Variants in PPM1D observed in about 807,000 individuals in gnomAD.
PPM1D encodes the protein protein phosphatase, Mg2+/Mn2+ dependent 1D, also known as protein phosphatase 1D.
A neutral mutation model predicts 58.3 loss-of-function variants in PPM1D; 52 were observed. That is an observed-to-expected ratio of 0.89 (90% CI 0.71 to 1.12). The LOEUF is 1.12. Among genes scored for constraint, PPM1D ranks in the 50% most tolerant of loss-of-function variants. PPM1D has a pLI of 0.00. For synonymous variants in PPM1D, 278 were observed against 285.1 expected, an observed-to-expected ratio of 0.98 and a Z score of 0.25; for missense variants, 564 against 777.2, an observed-to-expected ratio of 0.73 and a Z score of 3.26.
At chr17:60,607,011 T>TA (rs2030344039) in intron 1 of PPM1D, among the ~76,000 whole-genome samples, 1 of 151,288 alleles carries the variant, frequency 6.6e-6, no homozygotes, top group African/African-American at 2.4e-5. Context: ...TTTTTTTTTT[T>TA]ATAGAGACAG....
Position 60,654,219 on chromosome 17 carries a change from A to G in PPM1D, c.1018-2380A>G, listed in dbSNP as rs1007017764. ...TACTTATTTTTGTTGGGTTTTTATC[A>G]TAAAGTGATGTTCAATTTTACGAAA... On this transcript the variant is annotated intron_variant, in intron 4 of 5. Coordinates refer to ENST00000305921, the MANE Select transcript of PPM1D (RefSeq NM_003620.4). 4.0e-5 allele frequency among the ~76,000 whole-genome samples: 6 copies of G among 150,702 alleles called. 1 individual carries two copies. The East Asian group carries it at 1.2e-3, about 30-fold the overall frequency.
At chr17:60,624,969 A>G (rs2030777235) in intron 2 of PPM1D, among the ~76,000 whole-genome samples, 1 of 151,888 alleles carries the variant, frequency 6.6e-6, no homozygotes, top group East Asian at 1.9e-4. Context: ...GTGAAACCCC[A>G]TCTCTGCTAA....
At chr17:60,607,696 T>C (rs552706519) in intron 1 of PPM1D, among the ~76,000 whole-genome samples, 11 of 152,348 alleles carry the variant, frequency 7.2e-5, no homozygotes, top group South Asian at 6.2e-4. Flanking sequence ...AAGAAGATGG[T>C]GAATGAAGTG....
In PPM1D at chr17:60,600,274, C is replaced by G; in HGVS notation, c.-141C>G. ...GCGGACAAGTCCAGACATCGCGCGCCCCCCCTTCTCCGGGTCCGCCCCCTC... is the reference window on the plus strand; with the variant it reads ...GCGGACAAGTCCAGACATCGCGCGCGCCCCCTTCTCCGGGTCCGCCCCCTC... On this transcript the variant is annotated 5_prime_UTR_variant, in exon 1 of 6. Coordinates refer to ENST00000305921, the MANE Select transcript of PPM1D (RefSeq NM_003620.4). The G allele has an allele frequency of 2.1e-6, 3 of 1,416,104 alleles. No homozygotes were observed. The South Asian group carries it at 4.3e-5, about 20-fold the overall frequency. The allele number at this position is 1,416,104 out of a possible 1,614,324, so 87.7% of individuals were successfully genotyped here. A position where few individuals can be genotyped will look rare whatever the true frequency, so the allele number is the denominator to read the frequency against.
chr17:60,641,146 G>GTTC (rs2031126571), intron 3 of PPM1D, among the ~76,000 whole-genome samples: 1 of 152,176 alleles, frequency 6.6e-6, no homozygotes, highest in Non-Finnish European at 1.5e-5. Flanking sequence ...TCGAATGGTA[G>GTTC]TTCTAAGTTC....
chr17:60,639,635 A>G (rs908263295), intron 3 of PPM1D, among the ~76,000 whole-genome samples: 1 of 151,900 alleles, frequency 6.6e-6, no homozygotes, highest in African/African-American at 2.4e-5. Context: ...ACGGGGTTTC[A>G]CCATGTTGGC....
At chr17:60,632,317 T>C (rs1380661044) in intron 2 of PPM1D, among the ~76,000 whole-genome samples, 2 of 152,242 alleles carry the variant, frequency 1.3e-5, no homozygotes, top group African/African-American at 2.4e-5. Context: ...ACAGCTGATC[T>C]ATTTCACAAA....
intron 1 of PPM1D, among the ~76,000 whole-genome samples, chr17:60,607,384 G>A (rs780369658): frequency 3.3e-5 from 5 of 152,182 alleles, no homozygotes; most frequent in Non-Finnish European, 5.9e-5. Flanking sequence ...CCGGGTTCAA[G>A]CGATTCTCCT....
At chr17:60,632,916 G>A (rs993911009) in intron 2 of PPM1D, among the ~76,000 whole-genome samples, 2 of 151,200 alleles carry the variant, frequency 1.3e-5, no homozygotes, top group African/African-American at 2.4e-5. Context: ...GCAGTGAGTC[G>A]AGATGGTGCC....
At chr17:60,654,326 C>T (rs1485736358) in intron 4 of PPM1D, among the ~76,000 whole-genome samples, 1 of 139,388 alleles carries the variant, frequency 7.2e-6, no homozygotes, top group Non-Finnish European at 1.6e-5. Context: ...GCTGGGAGCA[C>T]AGTGGTGCGA....
chr17:60,648,056 G>A lies in PPM1D; in HGVS notation c.991G>A (p.Asp331Asn), dbSNP rs766897332. 8.7e-6 allele frequency: 14 copies of A among 1,610,122 alleles called. No individual in the cohort carries two copies. The highest frequency in any genetic ancestry group is 1.1e-5 in the South Asian group (1 of 90,208). Residue 331 changes from aspartate (D) to asparagine (N), a missense_variant, in exon 4 of 6, where the codon GAC (aspartate) becomes AAC (asparagine). By Grantham distance (23) the Asp-to-Asn change is conservative. Coordinates refer to ENST00000305921, the MANE Select transcript of PPM1D (RefSeq NM_003620.4). ...PPQDAISMCQDQEEKKYLMGE... is the reference protein window; with the variant it reads ...PPQDAISMCQNQEEKKYLMGE... ...ACAAGATGCCATCTCAATGTGCCAG[G>A]ACCAAGAGGAGAAAAAATACCTGAT...
intron 4 of PPM1D, among the ~76,000 whole-genome samples, chr17:60,656,314 A>G (rs925068596): frequency 6.6e-6 from 1 of 151,350 alleles, no homozygotes; most frequent in Non-Finnish European, 1.5e-5. Flanking sequence ...TTAGCCGGCC[A>G]TGGTGGCGGG....
At chr17:60,633,800 T>G (rs1007821891) in intron 2 of PPM1D, 53 bp from the exon 3 acceptor site, 1 of 1,463,408 alleles carries the variant, frequency 6.8e-7, no homozygotes, top group Non-Finnish European at 9.4e-7. Flanking sequence ...TGAGCTATCT[T>G]AGTTGTTGTA....
chr17:60,617,920 T>C (rs1327740826), intron 1 of PPM1D, among the ~76,000 whole-genome samples: 2 of 152,186 alleles, frequency 1.3e-5, no homozygotes, highest in Non-Finnish European at 2.9e-5. Context: ...TATTTCTATC[T>C]CCCCCTAAAA....
intron 1 of PPM1D, among the ~76,000 whole-genome samples, chr17:60,615,894 A>G (rs893503443): frequency 6.6e-6 from 1 of 151,964 alleles, no homozygotes; most frequent in Non-Finnish European, 1.5e-5. Context: ...GGGTTCAATC[A>G]CAGTGCACTA....
chr17:60,664,268 C>T lies in PPM1D; in HGVS notation c.*716C>T, dbSNP rs1449726299. On this transcript the variant is annotated 3_prime_UTR_variant, in exon 6 of 6. Transcript: ENST00000305921. Reference sequence around the variant, plus strand: ...GCCTAAAACAATCTAAAACAATTCCCTTCTTTTTCATCCCAGACCAATGGC... The same window carrying T: ...GCCTAAAACAATCTAAAACAATTCCTTTCTTTTTCATCCCAGACCAATGGC... 1 of 152,612 alleles carries T rather than the reference C, an allele frequency of 6.6e-6. No individual in the cohort carries two copies. The highest frequency in any genetic ancestry group is 6.6e-5 in the Admixed American group (1 of 15,266). 9.5% of individuals were successfully genotyped at this position (152,612 alleles called of 1,614,324 possible). A position where few individuals can be genotyped will look rare whatever the true frequency, so the allele number is the denominator to read the frequency against.
intron 1 of PPM1D, among the ~76,000 whole-genome samples, chr17:60,611,727 T>C (rs2030459841): frequency 6.6e-6 from 1 of 152,216 alleles, no homozygotes; most frequent in Non-Finnish European, 1.5e-5. Flanking sequence ...CCCAAAATTC[T>C]TTATGTATTT....
intron 1 of PPM1D, among the ~76,000 whole-genome samples, chr17:60,616,535 A>T (rs1164934785): frequency 1.3e-5 from 2 of 152,024 alleles, no homozygotes; most frequent in Non-Finnish European, 2.9e-5. Context: ...TCTTGAACCC[A>T]GGAGGCAGAG....
At chr17:60,637,125 C>T (rs754820808) in intron 3 of PPM1D, among the ~76,000 whole-genome samples, 3 of 152,012 alleles carry the variant, frequency 2.0e-5, no homozygotes, top group African/African-American at 4.8e-5. Context: ...TGCGCCCCCA[C>T]GCCCGGCTAA....
Sources: gnomAD v4.1 joint callset for allele counts (sites outside exome capture counted in the v4.1 genomes callset) on GRCh38, gnomAD v4.1.1 for gene constraint, MANE v1.5 for transcripts, NCBI Gene and HGNC (gene_info 2026-07-23, HGNC 2026-07-21) for gene names.